The following COG5 variants were observed in gnomAD, a reference collection of about 807,000 sequenced individuals.
The protein encoded by COG5 is conserved oligomeric Golgi complex subunit 5.
A neutral mutation model predicts 110.4 loss-of-function variants in COG5; 86 were observed. That is an observed-to-expected ratio of 0.78 (90% confidence interval 0.65 to 0.93). The LOEUF (loss-of-function observed/expected upper bound fraction) is 0.93, where lower values mean the gene tolerates loss of function less well. COG5 is among the 40% of genes least tolerant of loss of function. The pLI, the probability that COG5 is intolerant of heterozygous loss-of-function variation, is 0.00. For synonymous variants in COG5, 360 were observed against 334.6 expected, an observed-to-expected ratio of 1.08 and a Z score of -0.83; for missense variants, 1,077 against 987.0, an observed-to-expected ratio of 1.09 and a Z score of -1.22.
At chr7:107,212,884 G>T (rs1028614450) in intron 19 of COG5, among the ~76,000 whole-genome samples, 1 of 152,170 alleles carries the variant, frequency 6.6e-6, no homozygotes, top group Non-Finnish European at 1.5e-5. Flanking sequence ...AGAGCCACAG[G>T]GGGGATTCTC....
intron 14 of COG5, among the ~76,000 whole-genome samples, chr7:107,276,799 A>T (rs939738785): frequency 4.6e-5 from 7 of 152,230 alleles, no homozygotes; most frequent in Admixed American, 4.6e-4. Context: ...ATGATATTAC[A>T]CCTATAGGTA....
chr7:107,228,141 A>G (rs1800498607), intron 19 of COG5, among the ~76,000 whole-genome samples: 1 of 151,916 alleles, frequency 6.6e-6, no homozygotes, highest in Admixed American at 6.6e-5. Context: ...TTCTACAAAA[A>G]AATATAAAAA....
intron 6 of COG5, among the ~76,000 whole-genome samples, chr7:107,507,209 A>G (rs530905709): frequency 6.6e-6 from 1 of 152,274 alleles, no homozygotes; most frequent in Admixed American, 6.5e-5. Context: ...TGTAGCCTGC[A>G]GCTTCTTTCA....
chr7:107,325,051 G>A (rs1392908286), intron 10 of COG5, among the ~76,000 whole-genome samples: 1 of 152,102 alleles, frequency 6.6e-6, no homozygotes, highest in Non-Finnish European at 1.5e-5. Flanking sequence ...TTACAAAAGA[G>A]AATGGCTGAA....
In COG5 at chr7:107,239,686, T is replaced by C. The variant is rs976172233; in HGVS notation, c.1854-2999A>G. Among the ~76,000 whole-genome samples the C allele has an allele frequency of 4.6e-5, 7 of 152,360 alleles. No homozygotes were observed. The South Asian group carries it at 1.2e-3, about 27-fold the overall frequency. On this transcript the variant is annotated intron_variant, in intron 17 of 21. Transcript: ENST00000297135. ...TTACTTGTTTAAACAAAATGCATTT[T>C]GTTTCCATTTTCATTTGTCCCAAGA...
intron 15 of COG5, among the ~76,000 whole-genome samples, 170 bp downstream of exon 15, chr7:107,258,103 A>C (rs1388874069): frequency 6.6e-6 from 1 of 152,192 alleles, no homozygotes; most frequent in Non-Finnish European, 1.5e-5. Flanking sequence ...CAAACAACGA[A>C]GGCCAGAGTC....
chr7:107,562,787 G>A (rs1256921203), intron 1 of COG5, among the ~76,000 whole-genome samples: 1 of 152,162 alleles, frequency 6.6e-6, no homozygotes, highest in African/African-American at 2.4e-5. Context: ...AACAGTCAGA[G>A]AAAATAAACA....
At chr7:107,231,817 T>C (rs1800795463) in intron 18 of COG5, among the ~76,000 whole-genome samples, 1 of 146,040 alleles carries the variant, frequency 6.8e-6, no homozygotes. Flanking sequence ...TATCTTGCCT[T>C]CACTAAATTC....
At position 107,546,943 on chromosome 7, in the gene COG5, T is replaced by C. The variant is rs192228898; in HGVS notation, c.417+1168A>G. Among the ~76,000 whole-genome samples the C allele has an allele frequency of 3.3e-5, 5 of 152,228 alleles. No homozygotes were observed. The East Asian group carries it at 5.8e-4, about 18-fold the overall frequency. ...ATGGCTTTACTGTTGAATTCTACCA[T>C]ACATTTAAAGAAAAACTAATACCAA... is the stretch of plus-strand genomic sequence containing the variant. On this transcript the variant is annotated intron_variant, in intron 5 of 21. Coordinates refer to ENST00000297135, the MANE Select transcript of COG5 (RefSeq NM_006348.5).
intron 10 of COG5, among the ~76,000 whole-genome samples, chr7:107,354,493 A>T (rs1812456295): frequency 6.6e-6 from 1 of 151,974 alleles, no homozygotes; most frequent in Admixed American, 6.5e-5. Context: ...TCCTACCCAT[A>T]TGGTGAAACT....
chr7:107,272,953 A>G (rs1804398585), intron 14 of COG5, among the ~76,000 whole-genome samples: 1 of 152,248 alleles, frequency 6.6e-6, no homozygotes, highest in Non-Finnish European at 1.5e-5. Flanking sequence ...AAGCTTGCTT[A>G]TACTCAAATG....
chr7:107,227,008 C>A (rs112929815), intron 19 of COG5, among the ~76,000 whole-genome samples: 1 of 152,084 alleles, frequency 6.6e-6, no homozygotes, highest in Non-Finnish European at 1.5e-5. Flanking sequence ...GCAGGAGGAA[C>A]CTCAGAGATA....
chr7:107,497,372 A>G (rs1156681281), intron 6 of COG5, among the ~76,000 whole-genome samples: 3 of 152,232 alleles, frequency 2.0e-5, no homozygotes, highest in African/African-American at 7.2e-5. Flanking sequence ...CTGTTTGCAG[A>G]TAACATGATC....
At chr7:107,475,094 T>C (rs1304946962) in intron 6 of COG5, 2 of 1,612,804 alleles carry the variant, frequency 1.2e-6, no homozygotes, top group Non-Finnish European at 1.7e-6. Flanking sequence ...AGTGACCTTT[T>C]AGTAAAATTA....
At chr7:107,231,104 C>G (rs1562924384) in intron 18 of COG5, among the ~76,000 whole-genome samples, 1 of 152,110 alleles carries the variant, frequency 6.6e-6, no homozygotes, top group Non-Finnish European at 1.5e-5. Context: ...AGGACTAACT[C>G]TGGAGCTTTT....
At chr7:107,463,579 C>G (rs1049089504) in intron 6 of COG5, among the ~76,000 whole-genome samples, 12 of 152,142 alleles carry the variant, frequency 7.9e-5, no homozygotes, top group South Asian at 6.2e-4. Context: ...GAACCCAAAA[C>G]AATAGTACAC....
chr7:107,563,423 GC>G (rs1160207962), intron 1 of COG5: 1 of 360,194 alleles, frequency 2.8e-6, no homozygotes, highest in African/African-American at 2.1e-5. Context: ...CTGTTCTAGA[GC>G]TTACACTTTT....
At chr7:107,214,742 CA>C (rs1426271605) in intron 19 of COG5, among the ~76,000 whole-genome samples, 7 of 151,876 alleles carry the variant, frequency 4.6e-5, no homozygotes, top group Non-Finnish European at 1.0e-4. Context: ...GTCAACATGG[CA>C]AAACCCTGTC....
At chr7:107,208,921 G>A (rs1798962514) in intron 21 of COG5, 1 of 985,252 alleles carries the variant, frequency 1.0e-6, no homozygotes, top group African/African-American at 1.7e-5. Context: ...CTATGGCAGG[G>A]GTTCACGCCC....
Sources: allele counts gnomAD v4.1 joint callset (sites outside exome capture counted in the v4.1 genomes callset), GRCh38; gene constraint gnomAD v4.1.1; transcripts MANE v1.5; gene names NCBI Gene and HGNC (gene_info 2026-07-23, HGNC 2026-07-21).